The following CNTN4 variants were observed in gnomAD, a reference collection of about 807,000 sequenced individuals.
The protein encoded by CNTN4 is contactin 4, also known as contactin-4.
CNTN4 carries 77 observed loss-of-function variants against 122.5 expected under a neutral mutation model. The observed-to-expected ratio is 0.63, with a 90% CI of 0.52 to 0.76. The LOEUF (loss-of-function observed/expected upper bound fraction) is 0.76, where lower values mean the gene tolerates loss of function less well. Ranked by LOEUF, CNTN4 falls within the 30% of genes least tolerant of loss-of-function variation. CNTN4 has a pLI of 0.00. For missense variants in CNTN4, 1,256 were observed against 1,259.1 expected (o/e 1.00, Z 0.04); for synonymous variants, 512 against 447.0 (o/e 1.15, Z -1.83).
At chr3:2,492,658 C>T (rs2076350243) in intron 3 of CNTN4, among the ~76,000 whole-genome samples, 1 of 152,070 alleles carries the variant, frequency 6.6e-6, no homozygotes, top group Non-Finnish European at 1.5e-5. Context: ...AGTTGTTTGG[C>T]TTATTATCAA....
chr3:2,573,519 G>T (rs7652164), intron 4 of CNTN4, among the ~76,000 whole-genome samples: 3,653 of 152,134 alleles, frequency 0.024, 126 homozygotes, highest in African/African-American at 0.078. Flanking sequence ...TGGTATAAAC[G>T]TACTCTTTAA....
At position 2,339,209 on chromosome 3, in the gene CNTN4, G is replaced by A. The variant is rs578102422; in HGVS notation, c.-113G>A. The stretch of plus-strand genomic sequence containing the variant: ...TTGACATAGAGTAACTCCACAGCAT[G>A]TGTCTTCAAGAGCTTCCCTAAAAGG... On this transcript the variant is annotated 5_prime_UTR_variant, in exon 3 of 25. It adds an upstream start codon to the 5' untranslated region. Coordinates refer to ENST00000418658, the MANE Select transcript of CNTN4 (RefSeq NM_175607.3). The A allele has an allele frequency of 4.6e-5, 7 of 152,180 alleles. No individual in the cohort carries two copies. The highest frequency in any genetic ancestry group is 4.6e-4 in the Admixed American group (7 of 15,278). 9.4% of individuals were successfully genotyped at this position (152,180 alleles called of 1,614,324 possible). A position where few individuals can be genotyped will look rare whatever the true frequency, so the allele number is the denominator to read the frequency against.
At chr3:2,549,861 C>G (rs1038428169) in intron 3 of CNTN4, among the ~76,000 whole-genome samples, 1 of 152,118 alleles carries the variant, frequency 6.6e-6, no homozygotes, top group African/African-American at 2.4e-5. Context: ...CTATTAATTA[C>G]TGCTTCAATT....
intron 3 of CNTN4, among the ~76,000 whole-genome samples, chr3:2,407,841 A>G (rs1240894333): frequency 2.0e-5 from 3 of 152,218 alleles, no homozygotes; most frequent in African/African-American, 7.2e-5. Context: ...ACTACATAAA[A>G]TAAATCTTCC....
chr3:3,025,178 T>C (rs1298166034), intron 14 of CNTN4, among the ~76,000 whole-genome samples: 1 of 152,178 alleles, frequency 6.6e-6, no homozygotes, highest in Non-Finnish European at 1.5e-5. Context: ...TTGGAGTTCA[T>C]AAACTGTCTC....
intron 13 of CNTN4, among the ~76,000 whole-genome samples, chr3:2,986,802 T>G (rs1040676985): frequency 6.6e-6 from 1 of 152,206 alleles, no homozygotes; most frequent in African/African-American, 2.4e-5. Flanking sequence ...CTCGGCCACT[T>G]AAGAAATATT....
intron 13 of CNTN4, among the ~76,000 whole-genome samples, chr3:2,944,444 A>C (rs1000445816): frequency 2.0e-5 from 3 of 152,112 alleles, no homozygotes; most frequent in Non-Finnish European, 4.4e-5. Context: ...ATAATCATGA[A>C]AAGTTGAGCT....
chr3:2,507,698 G>A (rs1419046802), intron 3 of CNTN4, among the ~76,000 whole-genome samples: 7 of 145,316 alleles, frequency 4.8e-5, no homozygotes, highest in African/African-American at 1.8e-4. Context: ...TTGCACCACT[G>A]CACTCCAGTC....
chr3:2,787,120 T>G (rs1349333220), intron 6 of CNTN4, among the ~76,000 whole-genome samples: 2 of 152,152 alleles, frequency 1.3e-5, no homozygotes, highest in Non-Finnish European at 2.9e-5. Flanking sequence ...CTCATACCTG[T>G]AAACCCAGCA....
chr3:2,873,492 C>T (rs2093809318), intron 8 of CNTN4, among the ~76,000 whole-genome samples: 1 of 152,182 alleles, frequency 6.6e-6, no homozygotes, highest in Non-Finnish European at 1.5e-5. Context: ...GACTACATTC[C>T]CCACAAACTT....
intron 6 of CNTN4, among the ~76,000 whole-genome samples, chr3:2,768,558 G>A (rs2090958028): frequency 6.6e-6 from 1 of 152,098 alleles, no homozygotes; most frequent in Non-Finnish European, 1.5e-5. Context: ...TCATTCTCCA[G>A]CCACCTCCAC....
At chr3:2,248,017 C>T (rs556114531) in intron 2 of CNTN4, among the ~76,000 whole-genome samples, 1 of 152,010 alleles carries the variant, frequency 6.6e-6, no homozygotes, top group African/African-American at 2.4e-5. Flanking sequence ...TGGCATTTAT[C>T]ACCACCTGAC....
intron 4 of CNTN4, among the ~76,000 whole-genome samples, chr3:2,689,915 T>G (rs1301897568): frequency 6.6e-6 from 1 of 152,064 alleles, no homozygotes; most frequent in Non-Finnish European, 1.5e-5. Context: ...TCCTGTGAGG[T>G]AGGGGCGTGT....
At chr3:2,550,320 A>G (rs529343479) in intron 3 of CNTN4, among the ~76,000 whole-genome samples, 22 of 152,250 alleles carry the variant, frequency 1.4e-4, no homozygotes, top group Admixed American at 1.3e-3. Flanking sequence ...AAAAGGAGAC[A>G]TTTATGCGGC....
intron 4 of CNTN4, among the ~76,000 whole-genome samples, chr3:2,654,314 A>G (rs925974411): frequency 2.6e-5 from 4 of 152,198 alleles, no homozygotes; most frequent in African/African-American, 9.7e-5. Flanking sequence ...TCAAAATTAG[A>G]AGTCTCTGAA....
At chr3:2,278,496 C>T (rs17011680) in intron 2 of CNTN4, among the ~76,000 whole-genome samples, 1 of 152,148 alleles carries the variant, frequency 6.6e-6, no homozygotes, top group Non-Finnish European at 1.5e-5. Flanking sequence ...AGAGAAACGA[C>T]TAATCTCAGA....
chr3:2,806,164 G>A (rs1174721195), intron 6 of CNTN4, among the ~76,000 whole-genome samples: 1 of 152,166 alleles, frequency 6.6e-6, no homozygotes, highest in African/African-American at 2.4e-5. Flanking sequence ...GCCTCCCAAA[G>A]TGCTGGGATT....
At chr3:2,959,283 GTCAGATAATGTTT>G (rs1258377597) in intron 13 of CNTN4, among the ~76,000 whole-genome samples, 1 of 152,146 alleles carries the variant, frequency 6.6e-6, no homozygotes, top group African/African-American at 2.4e-5. Flanking sequence ...AAAACAAAGA[GTCAGATAATGTTT>G]TCAGAGCAAG....
chr3:2,814,300 C>T (rs1330733833), intron 6 of CNTN4, among the ~76,000 whole-genome samples: 1 of 152,192 alleles, frequency 6.6e-6, no homozygotes, highest in Non-Finnish European at 1.5e-5. Context: ...GATGTTAATT[C>T]CTTGTTTTAC....
Sources: allele counts gnomAD v4.1 joint callset (sites outside exome capture counted in the v4.1 genomes callset), GRCh38; gene constraint gnomAD v4.1.1; transcripts MANE v1.5; gene names NCBI Gene and HGNC (gene_info 2026-07-23, HGNC 2026-07-21).